SPATS2: variants seen among roughly 807,000 people sequenced by gnomAD.
SPATS2 encodes the protein spermatogenesis-associated serine-rich protein 2.
A neutral mutation model predicts 63.7 loss-of-function variants in SPATS2; 38 were observed. The observed-to-expected ratio is 0.60, with a 90% CI of 0.46 to 0.78. The LOEUF (loss-of-function observed/expected upper bound fraction) is 0.78, where lower values mean the gene tolerates loss of function less well. SPATS2 is among the 30% of genes least tolerant of loss of function. The pLI, the probability that SPATS2 is intolerant of heterozygous loss-of-function variation, is 0.00. For missense variants in SPATS2, 588 were observed against 666.2 expected, an observed-to-expected ratio of 0.88 and a Z score of 1.29; for synonymous variants, 207 against 232.9, an observed-to-expected ratio of 0.89 and a Z score of 1.01.
chr12:49,508,845 T>C (rs1946697401), intron 9 of SPATS2, among the ~76,000 whole-genome samples: 1 of 151,784 alleles, frequency 6.6e-6, no homozygotes, highest in Non-Finnish European at 1.5e-5. Context: ...GGGTGGATCA[T>C]CTGAGGTCAG....
At chr12:49,370,844 A>G (rs1461341023) in intron 1 of SPATS2, among the ~76,000 whole-genome samples, 2 of 152,054 alleles carry the variant, frequency 1.3e-5, no homozygotes, top group Non-Finnish European at 2.9e-5. Flanking sequence ...GTGCAGTGGT[A>G]CAATCATGGC....
intron 2 of SPATS2, among the ~76,000 whole-genome samples, chr12:49,381,339 G>T (rs1462808318): frequency 2.0e-5 from 3 of 152,176 alleles, no homozygotes; most frequent in South Asian, 2.1e-4. Context: ...TACTATAGTT[G>T]TAATTATTTT....
Position 49,416,162 on chromosome 12 carries a change from G to A in SPATS2, c.-243-44608G>A, listed in dbSNP as rs139851992. On this transcript the variant is annotated intron_variant, in intron 2 of 13. Transcript: ENST00000552918. ...CCGTTTTATCTTTTATGGTTCTGAT[G>A]TTTGGGCTTGGCTAGGCAGATCTTT... is the stretch of plus-strand genomic sequence containing the variant. 1.4e-3 allele frequency among the ~76,000 whole-genome samples: 213 copies of A among 152,138 alleles called. 1 individual carries two copies. Among genetic ancestry groups the A allele is most frequent in the African/African-American group, 4.7e-3 (196 of 41,494 alleles).
At chr12:49,419,843 AGGCATTT>A (rs1944948741) in intron 2 of SPATS2, among the ~76,000 whole-genome samples, 2 of 152,138 alleles carry the variant, frequency 1.3e-5, no homozygotes, top group African/African-American at 4.8e-5. Flanking sequence ...GGATCAGAAA[AGGCATTT>A]GTCAAATGTA....
At chr12:49,388,583 T>A (rs1395761095) in intron 2 of SPATS2, among the ~76,000 whole-genome samples, 2 of 151,968 alleles carry the variant, frequency 1.3e-5, no homozygotes, top group African/African-American at 4.8e-5. Flanking sequence ...ACCATGTTAC[T>A]CAGGCTGGTC....
chr12:49,469,749 G>T (rs374178198), intron 3 of SPATS2, among the ~76,000 whole-genome samples: 1 of 151,212 alleles, frequency 6.6e-6, no homozygotes, highest in African/African-American at 2.4e-5. Context: ...TTAGCTGAGC[G>T]TGGTGCTGCA....
intron 2 of SPATS2, among the ~76,000 whole-genome samples, chr12:49,371,874 A>G (rs1483017973): frequency 6.6e-6 from 1 of 151,674 alleles, no homozygotes; most frequent in African/African-American, 2.4e-5. Flanking sequence ...ACCAGGCCCC[A>G]CCTTCAACAC....
intron 5 of SPATS2, chr12:49,490,435 G>A: frequency 2.1e-6 from 1 of 468,022 alleles, no homozygotes; most frequent in Non-Finnish European, 3.8e-6. Context: ...AGCTACATTA[G>A]TCTCTTCTTA....
chr12:49,488,256 G>A (rs1374417703), intron 4 of SPATS2, among the ~76,000 whole-genome samples: 1 of 151,696 alleles, frequency 6.6e-6, no homozygotes, highest in Non-Finnish European at 1.5e-5. Flanking sequence ...TGTTGGTCAG[G>A]CTGGTCTCGA....
intron 2 of SPATS2, chr12:49,441,951 C>G (rs1480780082): frequency 6.6e-6 from 1 of 152,158 alleles, no homozygotes; most frequent in Non-Finnish European, 1.5e-5. Context: ...GCACACAATT[C>G]TGACAGGGAG....
At chr12:49,384,581 G>A (rs1408558952) in intron 2 of SPATS2, among the ~76,000 whole-genome samples, 1 of 152,152 alleles carries the variant, frequency 6.6e-6, no homozygotes, top group Non-Finnish European at 1.5e-5. Context: ...ATGCATAAAT[G>A]TTTTTTGATA....
At chr12:49,414,449 A>T (rs1168219904) in intron 2 of SPATS2, among the ~76,000 whole-genome samples, 12 of 152,188 alleles carry the variant, frequency 7.9e-5, no homozygotes, top group Admixed American at 7.9e-4. Flanking sequence ...GTTAAAAAAA[A>T]AAGTTCAACA....
At chr12:49,431,479 AC>A (rs1232761890) in intron 2 of SPATS2, among the ~76,000 whole-genome samples, 1 of 152,084 alleles carries the variant, frequency 6.6e-6, no homozygotes, top group African/African-American at 2.4e-5. Context: ...TGAACTCCCA[AC>A]CTTGTGATCT....
At chr12:49,439,405 A>G (rs1205269798) in intron 2 of SPATS2, among the ~76,000 whole-genome samples, 2 of 152,184 alleles carry the variant, frequency 1.3e-5, no homozygotes, top group Non-Finnish European at 2.9e-5. Context: ...GACTACATTA[A>G]CAAGAGAAGC....
chr12:49,499,491 T>C (rs1487264827), intron 8 of SPATS2, among the ~76,000 whole-genome samples: 1 of 152,082 alleles, frequency 6.6e-6, no homozygotes, highest in Non-Finnish European at 1.5e-5. Flanking sequence ...CTGTTGTCTT[T>C]CCAGTCTTGG....
At chr12:49,449,858 G>A (rs1353530376) in intron 2 of SPATS2, among the ~76,000 whole-genome samples, 3 of 152,162 alleles carry the variant, frequency 2.0e-5, no homozygotes, top group Admixed American at 6.5e-5. Context: ...GGTGAGATTT[G>A]GGTGGGGACA....
intron 10 of SPATS2, 36 bp downstream of exon 10, chr12:49,514,649 T>C: frequency 6.3e-7 from 1 of 1,592,028 alleles, no homozygotes; most frequent in Non-Finnish European, 8.6e-7. Flanking sequence ...GCTATTACCT[T>C]CATAAATAGT....
intron 2 of SPATS2, among the ~76,000 whole-genome samples, chr12:49,408,067 A>G (rs556182270): frequency 6.6e-6 from 1 of 152,226 alleles, no homozygotes; most frequent in African/African-American, 2.4e-5. Flanking sequence ...GTAAAATGCT[A>G]TATGAGTTAA....
chr12:49,499,494 A>T (rs1203146134), intron 8 of SPATS2, among the ~76,000 whole-genome samples: 1 of 147,842 alleles, frequency 6.8e-6, no homozygotes, highest in African/African-American at 2.5e-5. Flanking sequence ...TTGTCTTTCC[A>T]GTCTTGGGTA....
Sources: gnomAD v4.1 joint callset for allele counts (sites outside exome capture counted in the v4.1 genomes callset) on GRCh38, gnomAD v4.1.1 for gene constraint, MANE v1.5 for transcripts, NCBI Gene and HGNC (gene_info 2026-07-23, HGNC 2026-07-21) for gene names.